Variants in ERC1 observed in about 807,000 individuals in gnomAD.
ERC1 encodes ELKS/RAB6-interacting/CAST family member 1.
In ERC1, 56 loss-of-function variants were observed where a neutral mutation model predicts 132.0. The observed-to-expected ratio is 0.42, with a 90% CI of 0.34 to 0.53. The LOEUF (loss-of-function observed/expected upper bound fraction) is 0.53, where lower values mean the gene tolerates loss of function less well. Ranked by LOEUF, ERC1 falls within the 20% of genes least tolerant of loss-of-function variation. The pLI, the probability that ERC1 is intolerant of heterozygous loss-of-function variation, is 0.03. For synonymous variants in ERC1, 478 were observed against 476.1 expected (o/e 1.00, Z -0.05); for missense variants, 1,202 against 1,349.9 (o/e 0.89, Z 1.72).
intron 18 of ERC1, among the ~76,000 whole-genome samples, chr12:1,470,254 A>T (rs1478720087): frequency 2.0e-5 from 3 of 152,008 alleles, no homozygotes; most frequent in Non-Finnish European, 4.4e-5. Context: ...TAGAGGGTGC[A>T]TTGAGCACGT....
intron 15 of ERC1, among the ~76,000 whole-genome samples, chr12:1,299,558 T>G (rs956522992): frequency 1.3e-5 from 2 of 152,148 alleles, no homozygotes; most frequent in African/African-American, 4.8e-5. Context: ...AAGTTGAAAT[T>G]CATTGATCTT....
chr12:1,070,619 C>G (rs76935687), intron 2 of ERC1, among the ~76,000 whole-genome samples: 2,649 of 152,232 alleles, frequency 0.017, 30 homozygotes, highest in Non-Finnish European at 0.028. Flanking sequence ...GTCATTCCTA[C>G]TTGTTAAGAG....
At chr12:1,488,036 G>A (rs1172271706) in intron 18 of ERC1, among the ~76,000 whole-genome samples, 2 of 151,796 alleles carry the variant, frequency 1.3e-5, no homozygotes, top group African/African-American at 4.8e-5. Flanking sequence ...TACTCGGAAG[G>A]CTGAGGCAGG....
chr12:1,343,518 A>G (rs1321132081), intron 15 of ERC1, among the ~76,000 whole-genome samples: 3 of 152,216 alleles, frequency 2.0e-5, no homozygotes, highest in Admixed American at 2.0e-4. Context: ...TCTTCCCTGA[A>G]GCAGATTCTC....
chr12:1,097,403 G>A (rs1056670475), intron 3 of ERC1, among the ~76,000 whole-genome samples: 1 of 152,176 alleles, frequency 6.6e-6, no homozygotes, highest in Non-Finnish European at 1.5e-5. Flanking sequence ...GTTTAGAATA[G>A]CCTTTTCTCT....
intron 8 of ERC1, among the ~76,000 whole-genome samples, chr12:1,158,006 A>G (rs1166622913): frequency 3.3e-5 from 5 of 152,218 alleles, no homozygotes; most frequent in African/African-American, 4.8e-5. Context: ...AAGTGGACAT[A>G]TAGCAAAATT....
intron 2 of ERC1, among the ~76,000 whole-genome samples, chr12:1,035,795 A>G (rs1277951366): frequency 2.6e-5 from 4 of 152,006 alleles, no homozygotes; most frequent in Non-Finnish European, 4.4e-5. Flanking sequence ...GGTGGCGGGC[A>G]CCTGTAGTCC....
intron 18 of ERC1, among the ~76,000 whole-genome samples, chr12:1,451,556 T>A (rs2093425775): frequency 6.6e-6 from 1 of 152,150 alleles, no homozygotes; most frequent in African/African-American, 2.4e-5. Flanking sequence ...GCTCAGCAGT[T>A]CAAGATTGCA....
At chr12:1,193,941 A>G (rs1955979494) in intron 12 of ERC1, among the ~76,000 whole-genome samples, 2 of 152,208 alleles carry the variant, frequency 1.3e-5, no homozygotes, top group Admixed American at 6.5e-5. Context: ...TCATCATCTG[A>G]TGGTTCTGGA....
intron 2 of ERC1, among the ~76,000 whole-genome samples, chr12:1,075,499 C>T (rs1235900715): frequency 2.0e-5 from 3 of 152,060 alleles, no homozygotes; most frequent in East Asian, 1.9e-4. Flanking sequence ...AAGACCATCC[C>T]GGCCAATATG....
At chr12:1,128,927 TACCC>T (rs774328646) in intron 7 of ERC1, among the ~76,000 whole-genome samples, 1 of 152,124 alleles carries the variant, frequency 6.6e-6, no homozygotes, top group Non-Finnish European at 1.5e-5. Flanking sequence ...GATGAGCTAT[TACCC>T]AGCAAGCAAT....
chr12:1,261,771 AAC>A (rs1484932407), intron 13 of ERC1, among the ~76,000 whole-genome samples: 1 of 152,202 alleles, frequency 6.6e-6, no homozygotes, highest in South Asian at 2.1e-4. Flanking sequence ...ACTGTGGAGA[AAC>A]ACAGTTCTCT....
intron 15 of ERC1, among the ~76,000 whole-genome samples, chr12:1,359,732 C>G (rs2085898306): frequency 6.6e-6 from 1 of 152,144 alleles, no homozygotes; most frequent in Non-Finnish European, 1.5e-5. Flanking sequence ...ATAGTCAAAC[C>G]TTGGCCCACT....
At chr12:1,291,809 G>A (rs1261810398) in intron 15 of ERC1, among the ~76,000 whole-genome samples, 4 of 152,254 alleles carry the variant, frequency 2.6e-5, no homozygotes, top group East Asian at 3.9e-4. Context: ...GACGTAAAAC[G>A]GTTCACTTGG....
intron 1 of ERC1, chr12:998,344 G>A (rs978710513): frequency 6.6e-6 from 1 of 152,144 alleles, no homozygotes; most frequent in Non-Finnish European, 1.5e-5. Context: ...TCAGGAATGT[G>A]GGTGCAGTTG....
At chr12:1,361,349 G>A (rs927831943) in intron 15 of ERC1, among the ~76,000 whole-genome samples, 78 of 151,874 alleles carry the variant, frequency 5.1e-4, no homozygotes, top group African/African-American at 1.9e-3. Context: ...CAGGGCACAT[G>A]TATACATATG....
rs184113154 is a variant in ERC1 at position 1,440,396 on chromosome 12, C to A, written c.3025-4166C>A. On this transcript the variant is annotated intron_variant, in intron 17 of 18. Coordinates refer to ENST00000360905, the MANE Select transcript of ERC1 (RefSeq NM_178040.4). The stretch of plus-strand genomic sequence containing the variant: ...ATTTTTTTTGTATTTTTAGTAGAGA[C>A]GGGGTTTCACCGTGTTAGCCAGGAT... Among the ~76,000 whole-genome samples, 46 of 150,000 alleles carry A rather than the reference C, an allele frequency of 3.1e-4. 1 individual carries two copies. In the East Asian group the frequency reaches 7.3e-3, roughly 24 times the overall value.
At chr12:1,464,090 T>G (rs2093694722) in intron 18 of ERC1, among the ~76,000 whole-genome samples, 1 of 152,178 alleles carries the variant, frequency 6.6e-6, no homozygotes, top group African/African-American at 2.4e-5. Flanking sequence ...GGAACTCTTT[T>G]ACGCAGTTGC....
intron 2 of ERC1, among the ~76,000 whole-genome samples, chr12:1,073,999 G>A (rs1283968961): frequency 2.0e-5 from 3 of 151,240 alleles, no homozygotes; most frequent in Admixed American, 1.3e-4. Flanking sequence ...TGAGTAGCTG[G>A]GATTACAGGC....
Sources: allele counts gnomAD v4.1 joint callset (sites outside exome capture counted in the v4.1 genomes callset), GRCh38; gene constraint gnomAD v4.1.1; transcripts MANE v1.5; gene names NCBI Gene and HGNC (gene_info 2026-07-23, HGNC 2026-07-21).